Variants in CYP2D6 observed in about 807,000 individuals in gnomAD.
CYP2D6 encodes the protein cytochrome P450 family 2 subfamily D member 6 (gene/pseudogene).
In CYP2D6, 51 loss-of-function variants were observed where a neutral mutation model predicts 43.5. That is an observed-to-expected ratio of 1.17 (90% CI 0.94 to 1.48). The LOEUF is 1.48. Ranked by LOEUF, CYP2D6 falls within the 40% of genes most tolerant of loss-of-function variation. CYP2D6 has a pLI of 0.00. For missense variants in CYP2D6, 698 were observed against 688.0 expected, an observed-to-expected ratio of 1.01 and a Z score of -0.16; for synonymous variants, 346 against 297.1, an observed-to-expected ratio of 1.16 and a Z score of -1.69.
chr22:42,129,659 CCT>C (rs1441542646), intron 2 of CYP2D6, 77 bp downstream of exon 2: 3 of 1,573,952 alleles, frequency 1.9e-6, no homozygotes, highest in Admixed American at 3.3e-5. Flanking sequence ...GACCCCGCGC[CCT>C]CTCTGCCCAG....
rs1602589897 is a variant in CYP2D6, at chr22:42,130,666, C to T, written c.126G>A (p.Gly42=). 11 of 1,608,820 alleles carry T rather than the reference C, an allele frequency of 6.8e-6. No individual in the cohort carries two copies. Among genetic ancestry groups the T allele is most frequent in the Non-Finnish European group, 9.3e-6 (11 of 1,177,270 alleles). The part of the protein sequence containing the change: ...RYPPGPLPLP[G]LGNLLHVDFQ... The stretch of plus-strand genomic sequence containing the variant: ...AGTCCACATGCAGCAGGTTGCCCAG[C>T]CCGGGCAGTGGCAGGGGGCCTGGTG... The change falls in exon 1 of 9, where the codon GGG becomes GGA. Residue 42 remains glycine, a synonymous_variant. Coordinates refer to ENST00000645361, the MANE Select transcript of CYP2D6 (RefSeq NM_000106.6).
At position 42,130,702 on chromosome 22, in the gene CYP2D6, A is replaced by C. The variant is rs1932021260; in HGVS notation, c.90T>G (p.Ala30=). 4 of 1,605,830 alleles carry C rather than the reference A, an allele frequency of 2.5e-6. No individual in the cohort carries two copies. Among genetic ancestry groups the C allele is most frequent in the Non-Finnish European group, 3.4e-6 (4 of 1,175,830 alleles). ...VDLMHRRQRW[A]ARYPPGPLPL... ...GCAGGGGGCCTGGTGGGTAGCGTGC[A>C]GCCCAGCGTTGGCGCCGGTGCATCA... The change falls in exon 1 of 9, where the codon GCT becomes GCG. Residue 30 remains alanine (A), a synonymous_variant. Coordinates refer to ENST00000645361, the MANE Select transcript of CYP2D6 (RefSeq NM_000106.6).
intron 1 of CYP2D6, 58 bp from the exon 2 acceptor site, chr22:42,129,967 C>T: frequency 1.4e-6 from 2 of 1,467,866 alleles, no homozygotes; most frequent in Non-Finnish European, 1.8e-6. Flanking sequence ...ACTACAGGTC[C>T]TAGTCCTATT....
rs143218187 is a variant in CYP2D6 at position 42,130,684 on chromosome 22, G to A, written c.108C>T (p.Gly36=). ...RQRWAARYPP[G]PLPLPGLGNL... is the part of the protein sequence containing the mutation. ...TGCCCAGCCCGGGCAGTGGCAGGGG[G>A]CCTGGTGGGTAGCGTGCAGCCCAGC... The change falls in exon 1 of 9, where the codon GGC becomes GGT. Residue 36 remains glycine (G), a synonymous_variant. Transcript: ENST00000645361. 92 of 1,607,732 alleles carry A rather than the reference G, an allele frequency of 5.7e-5. 5 individuals carry two copies. Among genetic ancestry groups the A allele is most frequent in the African/African-American group, 2.0e-4 (15 of 73,972 alleles).
chr22:42,127,996 G>C lies in CYP2D6; in HGVS notation c.844-13C>G, dbSNP rs371181941. ...GGTTCCCCTTGGCCTGAGCAGGGCCGAGAGCATACTCGGGACAGAACGGGG... is the reference window on the plus strand; with the variant it reads ...GGTTCCCCTTGGCCTGAGCAGGGCCCAGAGCATACTCGGGACAGAACGGGG... On this transcript the variant is annotated splice_polypyrimidine_tract_variant and intron_variant, in intron 5 of 8. Coordinates refer to ENST00000645361, the MANE Select transcript of CYP2D6 (RefSeq NM_000106.6). 6.2e-7 allele frequency: 1 copy of C among 1,611,312 alleles called. No homozygotes were observed. The highest frequency in any genetic ancestry group is 1.3e-5 in the African/African-American group (1 of 74,460).
rs751396592 is a variant in CYP2D6 at position 42,129,721 on chromosome 22, T to TC, written c.352+16dup. Reference sequence around the variant, plus strand: ...CGGGTCCCACGGAAATCTGTCTCTGTCCCCACCGCTGCTTGCCTTGGGAAC... The same window carrying TC: ...CGGGTCCCACGGAAATCTGTCTCTGTCCCCCACCGCTGCTTGCCTTGGGAAC... On this transcript the variant is annotated intron_variant, in intron 2 of 8. Coordinates refer to ENST00000645361, the MANE Select transcript of CYP2D6 (RefSeq NM_000106.6). The TC allele has an allele frequency of 3.0e-5, 49 of 1,609,096 alleles. No individual in the cohort carries two copies. In the Admixed American group the frequency reaches 5.3e-4, roughly 18 times the overall value.
chr22:42,129,300 T>G (rs1283751561), intron 2 of CYP2D6, 115 bp from the exon 3 acceptor site: 15 of 1,339,320 alleles, frequency 1.1e-5, no homozygotes, highest in Middle Eastern at 1.8e-4. Flanking sequence ...TCTGTCCAGC[T>G]GGTCACAGGG....
rs1311864949 is a variant in CYP2D6 at position 42,130,054 on chromosome 22, G to A, written c.181-145C>T. ...AGACCCAGCCTCCTGATCGTGGGGC[G>A]GGGGTGGGGGTCACACCTTCTGTGA... On this transcript the variant is annotated intron_variant, in intron 1 of 8. Transcript: ENST00000645361. 2.7e-5 allele frequency: 22 copies of A among 816,506 alleles called. 1 individual carries two copies. Among genetic ancestry groups the A allele is most frequent in the Admixed American group, 5.1e-5 (2 of 39,376 alleles). The allele number at this position is 816,506 out of a possible 1,614,324, so 50.6% of individuals were successfully genotyped here.
chr22:42,127,514 A>G lies in CYP2D6; in HGVS notation c.1106T>C (p.Ile369Thr). The G allele has an allele frequency of 1.9e-6, 3 of 1,611,618 alleles. No homozygotes were observed. The highest frequency in any genetic ancestry group is 2.5e-6 in the Non-Finnish European group (3 of 1,178,288). ...CATATGGGTCACACCCAGGGGGACG[A>G]TGTCCCCAAAGCGCTGCACCTCATG... The part of the protein sequence containing the change: ...VIHEVQRFGD[I>T]VPLGVTHMTS... Residue 369 changes from isoleucine to threonine, a missense_variant, in exon 7 of 9, where the codon ATC becomes ACC. Physicochemically the swap from Ile to Thr is moderately conservative, Grantham distance 89 (BLOSUM62 -1). This residue lies in a region of CYP2D6 where 588 missense variants were observed against 521.1 expected (regional missense o/e 1.13). Coordinates refer to ENST00000645361, the MANE Select transcript of CYP2D6 (RefSeq NM_000106.6).
Position 42,129,200 on chromosome 22 carries a change from G to C in CYP2D6, c.353-15C>G. On this transcript the variant is annotated splice_polypyrimidine_tract_variant and intron_variant, in intron 2 of 8. Transcript: ENST00000645361. The stretch of plus-strand genomic sequence containing the variant: ...CAGGAACACCCCTGGGGGTGGGACG[G>C]GCACGTGCGCGTGGCCATGAAGGCA... 6.2e-7 allele frequency: 1 copy of C among 1,600,592 alleles called. No homozygotes were observed. The highest frequency in any genetic ancestry group is 8.5e-7 in the Non-Finnish European group (1 of 1,177,544).
chr22:42,129,310 G>T, intron 2 of CYP2D6, 125 bp from the exon 3 acceptor site: 1 of 1,277,694 alleles, frequency 7.8e-7, no homozygotes, highest in Non-Finnish European at 1.1e-6. Context: ...TGGTCACAGG[G>T]CCCACTCTTT....
At chr22:42,128,102 C>A (rs1602572102) in intron 5 of CYP2D6, 72 bp downstream of exon 5, 1 of 1,581,546 alleles carries the variant, frequency 6.3e-7, no homozygotes, top group East Asian at 2.3e-5. Context: ...AACCTTTTGC[C>A]CAGCCTCCCC....
chr22:42,127,313 T>A lies in CYP2D6; in HGVS notation c.1173+134A>T, dbSNP rs79596243. On this transcript the variant is annotated intron_variant, in intron 7 of 8. Coordinates refer to ENST00000645361, the MANE Select transcript of CYP2D6 (RefSeq NM_000106.6). ...CTATACTCTGGACCCCCCACCCAAG[T>A]GGGGACAGTCAGTGTGGTGGCATTG... The A allele has an allele frequency of 5.5e-6, 6 of 1,089,784 alleles. No individual in the cohort carries two copies. In the African/African-American group the frequency reaches 9.9e-5, roughly 18 times the overall value. 67.5% of individuals were successfully genotyped at this position (1,089,784 alleles called of 1,614,324 possible).
chr22:42,126,703 G>A lies in CYP2D6; in HGVS notation c.1365C>T (p.Leu455=), dbSNP rs1238611312. 5 of 1,589,868 alleles carry A rather than the reference G, an allele frequency of 3.1e-6. No individual in the cohort carries two copies. The African/African-American group carries it at 4.1e-5, about 13-fold the overall frequency. The change falls in exon 9 of 9, where the codon CTC becomes CTT. Residue 455 remains leucine, a synonymous_variant. Coordinates refer to ENST00000645361, the MANE Select transcript of CYP2D6 (RefSeq NM_000106.6). The part of the protein sequence containing the change: ...GEPLARMELF[L]FFTSLLQHFS... The stretch of plus-strand genomic sequence containing the variant: ...AGTGCTGCAGCAGGGAGGTGAAGAA[G>A]AGGAAGAGCTCCATGCGGGCCAGGG...
chr22:42,127,610 T>C lies in CYP2D6; in HGVS notation c.1010A>G (p.Asp337Gly), dbSNP rs748712690. The stretch of plus-strand genomic sequence containing the variant: ...TGGTCGCCGCACCTGCCCTATCACG[T>C]CGTCGATCTCCTGTTGGACACGGCC... The part of the protein sequence containing the change: ...VQRRVQQEID[D>G]VIGQVRRPEM... Residue 337 changes from aspartate (D) to glycine (G), a missense_variant, in exon 7 of 9, where the codon GAC (aspartate) becomes GGC (glycine). Physicochemically the swap from Asp to Gly is moderately conservative, Grantham distance 94. This residue lies in a region of CYP2D6 where 588 missense variants were observed against 521.1 expected (regional missense o/e 1.13). Transcript: ENST00000645361. 35 of 1,611,656 alleles carry C rather than the reference T, an allele frequency of 2.2e-5. No homozygotes were observed. In the East Asian group the frequency reaches 7.8e-4, roughly 36 times the overall value.
At position 42,126,746 on chromosome 22, in the gene CYP2D6, C is replaced by G. The variant is rs532668079; in HGVS notation, c.1322G>C (p.Arg441Pro). 2 of 1,550,432 alleles carry G rather than the reference C, an allele frequency of 1.3e-6. No individual in the cohort carries two copies. The highest frequency in any genetic ancestry group is 2.4e-5 in the South Asian group (2 of 84,086). Residue 441 changes from arginine (R) to proline (P), a missense_variant, in exon 9 of 9, where the codon CGT becomes CCT. By Grantham distance (103) the Arg-to-Pro change is moderately radical. Around this residue, in one of 5 missense-constraint regions of CYP2D6, gnomAD observed 85 missense variants for 81.2 expected, o/e 1.05. Coordinates refer to ENST00000645361, the MANE Select transcript of CYP2D6 (RefSeq NM_000106.6). The stretch of plus-strand genomic sequence containing the variant: ...GGCCAGGGGCTCCCCGAGGCATGCA[C>G]GGCGGCCTGTGGGGAGGGGAGGGGC... ...EAFLPFSAGR[R>P]ACLGEPLARM...
At position 42,128,821 on chromosome 22, in the gene CYP2D6, T is replaced by C; in HGVS notation, c.629A>G (p.Gln210Arg). 6.2e-7 allele frequency: 1 copy of C among 1,608,042 alleles called. No individual in the cohort carries two copies. The highest frequency in any genetic ancestry group is 1.3e-5 in the African/African-American group (1 of 74,316). Residue 210 changes from glutamine to arginine, a missense_variant, in exon 4 of 9, where the codon CAG becomes CGG. By Grantham distance (43) the Gln-to-Arg change is conservative. Around this residue, in one of 5 missense-constraint regions of CYP2D6, gnomAD observed 588 missense variants for 521.1 expected, o/e 1.13. Transcript: ENST00000645361. ...GCCCGACTCCTCCTTCAGTCCCTCC[T>C]GAGCTAGGTCCAGCAGCCTGAGGAA... is the stretch of plus-strand genomic sequence containing the variant. ...PRFLRLLDLAQEGLKEESGFL... is the reference protein window; with the variant it reads ...PRFLRLLDLAREGLKEESGFL...
intron 2 of CYP2D6, 183 bp from the exon 3 acceptor site, chr22:42,129,368 C>T (rs555855413): frequency 1.3e-5 from 12 of 915,438 alleles, no homozygotes; most frequent in South Asian, 1.3e-4. Flanking sequence ...TGCCCCACCT[C>T]GTCTCTGCCC....
In CYP2D6 at chr22:42,129,691, C is replaced by T. The variant is rs1215219443; in HGVS notation, c.352+47G>A. The T allele has an allele frequency of 2.5e-6, 4 of 1,604,872 alleles. No individual in the cohort carries two copies. In the Admixed American group the frequency reaches 5.0e-5, roughly 20 times the overall value. ...GCCCAGCTCGGACTACGGTCATCAC[C>T]CACCCGGGTCCCACGGAAATCTGTC... On this transcript the variant is annotated intron_variant, in intron 2 of 8. Transcript: ENST00000645361.
Sources: gnomAD v4.1 joint callset for allele counts on GRCh38, gnomAD v4.1.1 for gene constraint, gnomAD v4.1.1 regional missense constraint, MANE v1.5 for transcripts, NCBI Gene and HGNC (gene_info 2026-07-23, HGNC 2026-07-21) for gene names.